Variants in PALS1 observed in about 807,000 individuals in gnomAD.
The protein encoded by PALS1 is protein PALS1.
Under a neutral mutation model 78.9 loss-of-function variants are expected in PALS1, and 31 were observed. The ratio of observed to expected loss-of-function variants is 0.39; its 90% CI spans 0.30 to 0.53. PALS1 has a LOEUF of 0.53. Among genes scored for constraint, PALS1 ranks in the 20% least tolerant of loss-of-function variants. The pLI is 0.67. For synonymous variants in PALS1, 276 were observed against 270.9 expected (o/e 1.02, Z -0.18); for missense variants, 704 against 826.5 (o/e 0.85, Z 1.82).
intron 10 of PALS1, among the ~76,000 whole-genome samples, chr14:67,317,133 CTT>C (rs1476960815): frequency 1.3e-5 from 2 of 152,122 alleles, no homozygotes; most frequent in Non-Finnish European, 2.9e-5. Flanking sequence ...GAAAAATAGT[CTT>C]TATACAAACA....
chr14:67,248,272 GC>G (rs2140424878), intron 1 of PALS1, among the ~76,000 whole-genome samples: 1 of 152,120 alleles, frequency 6.6e-6, no homozygotes, highest in Non-Finnish European at 1.5e-5. Flanking sequence ...TGTAGCCCCA[GC>G]CAATTGGGAG....
chr14:67,335,154 A>T lies in PALS1; in HGVS notation c.*2198A>T, dbSNP rs188878222. 1 of 152,372 alleles carries T rather than the reference A, an allele frequency of 6.6e-6. No homozygotes were observed. Among genetic ancestry groups the T allele is most frequent in the Admixed American group, 6.5e-5 (1 of 15,298 alleles). 9.4% of individuals were successfully genotyped at this position (152,372 alleles called of 1,614,324 possible). On this transcript the variant is annotated 3_prime_UTR_variant, in exon 15 of 15. Transcript: ENST00000261681. ...TATTTCAAGGTCAGTGAAGTCTATC[A>T]ATCATTCTCCCCTTCCTCATCAGCA...
At chr14:67,292,907 A>C (rs547295605) in intron 4 of PALS1, among the ~76,000 whole-genome samples, 188 bp downstream of exon 4, 1 of 152,214 alleles carries the variant, frequency 6.6e-6, no homozygotes, top group Non-Finnish European at 1.5e-5. Flanking sequence ...AGTTTACTTC[A>C]GAGTCAGAAC....
At chr14:67,330,880 T>A (rs1020251152) in intron 14 of PALS1, among the ~76,000 whole-genome samples, 3 of 152,216 alleles carry the variant, frequency 2.0e-5, no homozygotes, top group African/African-American at 2.4e-5. Flanking sequence ...CCCTGAAAGA[T>A]GTCAGTCTTT....
intron 13 of PALS1, among the ~76,000 whole-genome samples, chr14:67,321,658 G>A (rs2085266808): frequency 6.6e-6 from 1 of 151,992 alleles, no homozygotes; most frequent in Non-Finnish European, 1.5e-5. Context: ...TTTTCCTGGG[G>A]ATATTGAATA....
intron 1 of PALS1, among the ~76,000 whole-genome samples, chr14:67,261,170 A>G (rs2084230313): frequency 6.6e-6 from 1 of 152,214 alleles, no homozygotes; most frequent in Admixed American, 6.5e-5. Context: ...GCTTAAAGAA[A>G]AGACAATAAA....
intron 14 of PALS1, among the ~76,000 whole-genome samples, chr14:67,326,800 C>G (rs2141028334): frequency 6.6e-6 from 1 of 152,340 alleles, no homozygotes; most frequent in South Asian, 2.1e-4. Flanking sequence ...AACAGCAGTT[C>G]ATTCCCTCTT....
At chr14:67,312,297 G>A in intron 8 of PALS1, 1 of 288,698 alleles carries the variant, frequency 3.5e-6, no homozygotes, top group Non-Finnish European at 6.3e-6. Context: ...AAAAATTGTG[G>A]CCAAGTGCAG....
At chr14:67,265,089 A>T (rs1475053590) in intron 1 of PALS1, among the ~76,000 whole-genome samples, 2 of 152,348 alleles carry the variant, frequency 1.3e-5, no homozygotes, top group African/African-American at 2.4e-5. Flanking sequence ...TTTGTCTGGT[A>T]TAGTATATTC....
At chr14:67,323,880 C>G (rs1326351523) in intron 14 of PALS1, 68 bp downstream of exon 14, 4 of 805,294 alleles carry the variant, frequency 5.0e-6, no homozygotes, top group Non-Finnish European at 8.0e-6. Context: ...TCTAATTTGT[C>G]CTGGTGCTTA....
intron 13 of PALS1, among the ~76,000 whole-genome samples, chr14:67,323,255 G>A (rs371171208): frequency 7.5e-6 from 1 of 133,906 alleles, no homozygotes; most frequent in Admixed American, 8.0e-5. Context: ...GTGTGTGTGT[G>A]TGTGTGTATA....
At chr14:67,320,194 A>G in intron 11 of PALS1, 36 bp from the exon 12 acceptor site, 1 of 1,590,022 alleles carries the variant, frequency 6.3e-7, no homozygotes, top group Non-Finnish European at 8.5e-7. Context: ...CATGGCCATA[A>G]TTTTGTTTGA....
Position 67,332,976 on chromosome 14 carries a change from G to A in PALS1, c.*20G>A. 6.3e-7 allele frequency: 1 copy of A among 1,589,944 alleles called. No individual in the cohort carries two copies. Among genetic ancestry groups the A allele is most frequent in the Non-Finnish European group, 8.6e-7 (1 of 1,162,948 alleles). ...AGGTGAAAGAAACATCCATTCTGTG[G>A]CATGTTGGACTTGATCTGGCAAAAA... is the stretch of plus-strand genomic sequence containing the variant. On this transcript the variant is annotated 3_prime_UTR_variant, in exon 15 of 15. Transcript: ENST00000261681.
In PALS1 at chr14:67,333,447, A is replaced by G. The variant is rs943739039; in HGVS notation, c.*491A>G. The G allele has an allele frequency of 6.5e-6, 1 of 152,706 alleles. No individual in the cohort carries two copies. The highest frequency in any genetic ancestry group is 1.5e-5 in the Non-Finnish European group (1 of 68,064). 9.5% of individuals were successfully genotyped at this position (152,706 alleles called of 1,614,324 possible). A position where few individuals can be genotyped will look rare whatever the true frequency, so the allele number is the denominator to read the frequency against. ...ATTTGCTTAGGAAACTAATTTAGTCATCAGAGATACTTTCCTAAAAAGGAA... is the reference window on the plus strand; with the variant it reads ...ATTTGCTTAGGAAACTAATTTAGTCGTCAGAGATACTTTCCTAAAAAGGAA... On this transcript the variant is annotated 3_prime_UTR_variant, in exon 15 of 15. Transcript: ENST00000261681.
At chr14:67,259,417 C>G (rs953109549) in intron 1 of PALS1, among the ~76,000 whole-genome samples, 1 of 151,804 alleles carries the variant, frequency 6.6e-6, no homozygotes, top group African/African-American at 2.4e-5. Context: ...TTGAGACCAG[C>G]CTGGCCAACA....
chr14:67,327,487 A>G (rs540727879), intron 14 of PALS1, among the ~76,000 whole-genome samples: 1 of 148,094 alleles, frequency 6.8e-6, no homozygotes, highest in Non-Finnish European at 1.5e-5. Flanking sequence ...TTTTTATTTT[A>G]TTTTTTTATT....
chr14:67,295,220 C>T (rs942487111), intron 4 of PALS1, among the ~76,000 whole-genome samples: 32 of 151,634 alleles, frequency 2.1e-4, no homozygotes, highest in Admixed American at 3.9e-4. Context: ...TTGGGAGGCT[C>T]ACGCCTGTAA....
chr14:67,286,153 A>G (rs2084682790), intron 3 of PALS1, among the ~76,000 whole-genome samples: 1 of 152,216 alleles, frequency 6.6e-6, no homozygotes, highest in Admixed American at 6.5e-5. Flanking sequence ...TAGATTTGCT[A>G]TGCCTGCCTC....
intron 2 of PALS1, among the ~76,000 whole-genome samples, chr14:67,272,954 G>A (rs557006405): frequency 4.4e-4 from 67 of 152,208 alleles, no homozygotes; most frequent in African/African-American, 1.5e-3. Context: ...AATTACAGGC[G>A]TGAGCCACCA....
Sources: gnomAD v4.1 joint callset for allele counts (sites outside exome capture counted in the v4.1 genomes callset) on GRCh38, gnomAD v4.1.1 for gene constraint, MANE v1.5 for transcripts, NCBI Gene and HGNC (gene_info 2026-07-23, HGNC 2026-07-21) for gene names.